Variants in UBE2D3 observed in about 807,000 individuals in gnomAD.
UBE2D3 encodes the protein ubiquitin conjugating enzyme E2 D3.
A neutral mutation model predicts 22.8 loss-of-function variants in UBE2D3; 2 were observed. The ratio of observed to expected loss-of-function variants is 0.09; its 90% CI spans 0.04 to 0.28. The LOEUF (loss-of-function observed/expected upper bound fraction) is 0.28, where lower values mean the gene tolerates loss of function less well. UBE2D3 is among the 10% of genes least tolerant of loss of function. UBE2D3 has a pLI of 1.00. For synonymous variants in UBE2D3, 56 were observed against 60.4 expected (o/e 0.93, Z 0.34); for missense variants, 27 against 182.5 (o/e 0.15, Z 4.91).
At chr4:102,836,157 T>C (rs1287143840) in intron 1 of UBE2D3, among the ~76,000 whole-genome samples, 1 of 145,840 alleles carries the variant, frequency 6.9e-6, no homozygotes, top group Non-Finnish European at 1.5e-5. Flanking sequence ...TTTTTTTTTT[T>C]TTTTTTTGTG....
chr4:102,820,527 T>C lies in UBE2D3; in HGVS notation c.24+5958A>G, dbSNP rs3774993. Among the ~76,000 whole-genome samples, 2,656 of 152,336 alleles carry C rather than the reference T, an allele frequency of 0.017. 216 individuals are homozygous for C. In the East Asian group the frequency reaches 0.25, roughly 14 times the overall value. ...GTCGTAATTATAGGTGAAACAAGCA[T>C]GCGTGTTCATTACACAAGGTACTAA... On this transcript the variant is annotated intron_variant, in intron 2 of 7. Coordinates refer to ENST00000453744, the MANE Select transcript of UBE2D3 (RefSeq NM_181891.3).
intron 1 of UBE2D3, among the ~76,000 whole-genome samples, chr4:102,838,948 A>G (rs757159690): frequency 9.9e-5 from 15 of 152,148 alleles, no homozygotes; most frequent in Non-Finnish European, 1.6e-4. Context: ...TTAATGGATG[A>G]AGCTCTTTTT....
In UBE2D3 at chr4:102,826,477, C is replaced by G; in HGVS notation, c.24+8G>C. The G allele has an allele frequency of 1.2e-6, 2 of 1,613,878 alleles. No individual in the cohort carries two copies. Among genetic ancestry groups the G allele is most frequent in the Non-Finnish European group, 1.7e-6 (2 of 1,179,976 alleles). ...CTACCACCCCATGCCCTTGTCCCCG[C>G]GGGTTACCTTATTAATCCGTTTCAG... On this transcript the variant is annotated splice_region_variant and intron_variant, in intron 2 of 7. Transcript: ENST00000453744.
At chr4:102,806,474 T>G (rs1727058540) in intron 4 of UBE2D3, among the ~76,000 whole-genome samples, 1 of 152,126 alleles carries the variant, frequency 6.6e-6, no homozygotes, top group African/African-American at 2.4e-5. Context: ...ATCAGTAACC[T>G]ACGTGGGAAA....
intron 7 of UBE2D3, among the ~76,000 whole-genome samples, chr4:102,798,218 G>GATT (rs1657898628): frequency 1.4e-5 from 2 of 138,252 alleles, no homozygotes; most frequent in South Asian, 4.6e-4. Flanking sequence ...CTTCCCCCTG[G>GATT]ATTATACTCA....
intron 4 of UBE2D3, 64 bp downstream of exon 4, chr4:102,809,608 A>T (rs933747158): frequency 1.3e-6 from 2 of 1,483,868 alleles, no homozygotes; most frequent in South Asian, 2.6e-5. Flanking sequence ...CCAAGTTAAA[A>T]ATTACAACCA....
chr4:102,814,998 T>G (rs1728588236), intron 2 of UBE2D3, among the ~76,000 whole-genome samples: 1 of 152,168 alleles, frequency 6.6e-6, no homozygotes, highest in African/African-American at 2.4e-5. Context: ...CATACTAGAT[T>G]TTACATTTAA....
chr4:102,831,947 G>A (rs77712949), upstream of UBE2D3, among the ~76,000 whole-genome samples: 4 of 152,116 alleles, frequency 2.6e-5, no homozygotes, highest in Non-Finnish European at 5.9e-5. Flanking sequence ...AAAAAACATC[G>A]AATTACTATT....
intron 1 of UBE2D3, among the ~76,000 whole-genome samples, chr4:102,847,494 T>C (rs113652090): frequency 0.015 from 1,811 of 118,766 alleles, 22 homozygotes; most frequent in African/African-American, 0.044. Flanking sequence ...ACCATGTTAG[T>C]CAGGCTGGTC....
At chr4:102,827,599 C>T, upstream of UBE2D3, 2 of 987,150 alleles carry the variant, frequency 2.0e-6, no homozygotes, top group Non-Finnish European at 2.4e-6. Flanking sequence ...TGCCTCTTCA[C>T]CGCCGCGGAT....
chr4:102,850,102 T>A (rs1732265256), intron 1 of UBE2D3, among the ~76,000 whole-genome samples: 1 of 152,242 alleles, frequency 6.6e-6, no homozygotes, highest in East Asian at 1.9e-4. Flanking sequence ...GAAGTGAATA[T>A]GAACAAACGA....
intron 2 of UBE2D3, among the ~76,000 whole-genome samples, chr4:102,822,087 A>G (rs1389169636): frequency 6.6e-6 from 1 of 152,366 alleles, no homozygotes; most frequent in South Asian, 2.1e-4. Flanking sequence ...TCAGGGGCAA[A>G]GTTTGACAGA....
At chr4:102,854,453 T>C (rs1732536577) in intron 1 of UBE2D3, among the ~76,000 whole-genome samples, 2 of 152,194 alleles carry the variant, frequency 1.3e-5, no homozygotes, top group South Asian at 4.1e-4. Context: ...CTCTTCGTGG[T>C]TCTATCAGTT....
At chr4:102,808,586 T>A (rs223419) in intron 4 of UBE2D3, among the ~76,000 whole-genome samples, 87,971 of 151,978 alleles carry the variant, frequency 0.58, 26,889 homozygotes, top group African/African-American at 0.79. Context: ...CCTCCCTGCT[T>A]CAATTTCCCA....
intron 2 of UBE2D3, chr4:102,812,611 A>G (rs951556084): frequency 6.6e-6 from 1 of 152,244 alleles, no homozygotes; most frequent in Admixed American, 6.5e-5. Flanking sequence ...CAAACAATGT[A>G]TGCACCAACA....
intron 2 of UBE2D3, among the ~76,000 whole-genome samples, chr4:102,813,554 G>C (rs1291530018): frequency 6.6e-6 from 1 of 152,130 alleles, no homozygotes; most frequent in Non-Finnish European, 1.5e-5. Flanking sequence ...GATAATGTAA[G>C]TAAAGACTCA....
intron 1 of UBE2D3, among the ~76,000 whole-genome samples, chr4:102,839,376 C>T (rs1298498238): frequency 6.6e-6 from 1 of 152,142 alleles, no homozygotes; most frequent in African/African-American, 2.4e-5. Flanking sequence ...AAGTGATCCT[C>T]CCACCTCAGC....
chr4:102,862,260 A>G (rs1169069532), intron 1 of UBE2D3, among the ~76,000 whole-genome samples: 2 of 151,988 alleles, frequency 1.3e-5, no homozygotes, highest in Non-Finnish European at 2.9e-5. Context: ...AAGAACACCA[A>G]ACACCAAAAT....
chr4:102,844,283 A>G (rs1008521718), intron 1 of UBE2D3, among the ~76,000 whole-genome samples: 5 of 152,100 alleles, frequency 3.3e-5, no homozygotes, highest in Admixed American at 6.6e-5. Flanking sequence ...TTGCCATGTT[A>G]TATAGGCTGG....
Sources: allele counts gnomAD v4.1 joint callset (sites outside exome capture counted in the v4.1 genomes callset), GRCh38; gene constraint gnomAD v4.1.1; transcripts MANE v1.5; gene names NCBI Gene and HGNC (gene_info 2026-07-23, HGNC 2026-07-21).